IKBKB-DT: variants seen among roughly 807,000 people sequenced by gnomAD.
IKBKB-DT encodes the protein IKBKB divergent transcript.
At chr8:42,242,795 G>A (rs908801300) in intron 3 of IKBKB-DT, among the ~76,000 whole-genome samples, 1 of 152,172 alleles carries the variant, frequency 6.6e-6, no homozygotes, top group African/African-American at 2.4e-5. Context: ...TGCTCTACAG[G>A]GAGCTGAGGG....
intron 3 of IKBKB-DT, among the ~76,000 whole-genome samples, chr8:42,257,813 A>G (rs1167653169): frequency 6.6e-6 from 1 of 152,122 alleles, no homozygotes; most frequent in Non-Finnish European, 1.5e-5. Flanking sequence ...TAAAAGTCAA[A>G]AGACTAAATT....
chr8:42,237,691 T>C (rs2129900340), intron 3 of IKBKB-DT, among the ~76,000 whole-genome samples: 1 of 152,052 alleles, frequency 6.6e-6, no homozygotes, highest in South Asian at 2.1e-4. Context: ...ATGAGGGGGA[T>C]CTGCTCCTCT....
In IKBKB-DT at chr8:42,253,737, G is replaced by T. The variant is rs1402366768; in HGVS notation, n.1529+9592C>A. ...CATTTGTATACTTTCTGCAGAAAGG[G>T]TACACTCGCCAGCAGTTTTGCCATG... On this transcript the variant is annotated intron_variant and non_coding_transcript_variant, in intron 3 of 3. Transcript: ENST00000518213. Among the ~76,000 whole-genome samples the T allele has an allele frequency of 3.3e-5, 5 of 152,160 alleles. No homozygotes were observed. In the East Asian group the frequency reaches 7.7e-4, roughly 23 times the overall value.
At chr8:42,262,448 T>TTATTTATTTATG (rs1445021663) in intron 3 of IKBKB-DT, among the ~76,000 whole-genome samples, 6 of 151,712 alleles carry the variant, frequency 4.0e-5, no homozygotes, top group African/African-American at 1.5e-4. Flanking sequence ...ATTTATTTAT[T>TTATTTATTTATG]TATTTATTTA....
intron 3 of IKBKB-DT, among the ~76,000 whole-genome samples, chr8:42,244,303 T>G (rs1251368936): frequency 6.6e-6 from 1 of 152,148 alleles, no homozygotes; most frequent in Non-Finnish European, 1.5e-5. Flanking sequence ...GTTATCCTAT[T>G]TGGGAGAAGA....
intron 3 of IKBKB-DT, among the ~76,000 whole-genome samples, chr8:42,257,392 C>T (rs1468558021): frequency 6.6e-6 from 1 of 151,938 alleles, no homozygotes; most frequent in Non-Finnish European, 1.5e-5. Context: ...GTCCCAGCTA[C>T]TTGGGAGGCT....
rs577261605 is a variant in IKBKB-DT, at chr8:42,255,792, G to A, written n.1529+7537C>T. On this transcript the variant is annotated intron_variant and non_coding_transcript_variant, in intron 3 of 3. Transcript: ENST00000518213. ...TGTAATCCCAGCACTTTGGGAGGCCGAGGCGGGTGGATCACGAGGTCAGGA... is the reference window on the plus strand; with the variant it reads ...TGTAATCCCAGCACTTTGGGAGGCCAAGGCGGGTGGATCACGAGGTCAGGA... 2.0e-4 allele frequency among the ~76,000 whole-genome samples: 30 copies of A among 152,158 alleles called. No homozygotes were observed. In the East Asian group the frequency reaches 2.9e-3, roughly 15 times the overall value.
At chr8:42,262,441 T>TATTTATTG (rs1807302874) in intron 3 of IKBKB-DT, among the ~76,000 whole-genome samples, 1 of 151,512 alleles carries the variant, frequency 6.6e-6, no homozygotes, top group African/African-American at 2.4e-5. Context: ...TTTATTTATT[T>TATTTATTG]ATTTATTTAT....
Position 42,256,407 on chromosome 8 carries a change from C to CAA in IKBKB-DT, n.1529+6920_1529+6921dup, listed in dbSNP as rs111851763. Among the ~76,000 whole-genome samples the CAA allele has an allele frequency of 2.2e-3, 243 of 110,924 alleles. 1 individual carries two copies. Among genetic ancestry groups the CAA allele is most frequent in the Middle Eastern group, 0.01 (2 of 200 alleles). 72.8% of individuals were successfully genotyped at this position (110,924 alleles called of 152,430 possible). A position where few individuals can be genotyped will look rare whatever the true frequency, so the allele number is the denominator to read the frequency against. On this transcript the variant is annotated intron_variant and non_coding_transcript_variant, in intron 3 of 3. Transcript: ENST00000518213. ...TGAAACCCCGTTTCTACCAAAAATA[C>CAA]AAAAAAAAAAAAAAAATAGCTGTGG...
chr8:42,266,993 GT>G (rs917419273), intron 1 of IKBKB-DT, among the ~76,000 whole-genome samples: 23 of 135,540 alleles, frequency 1.7e-4, no homozygotes, highest in Non-Finnish European at 2.8e-4. Context: ...TTTTTTGTTT[GT>G]TTTTTTTTTG....
chr8:42,262,571 C>T (rs1184631406), intron 3 of IKBKB-DT, among the ~76,000 whole-genome samples: 2 of 151,948 alleles, frequency 1.3e-5, no homozygotes, highest in African/African-American at 4.8e-5. Context: ...TCCTGAGTAG[C>T]TGGGACTACA....
At chr8:42,258,591 C>T (rs549016817) in intron 3 of IKBKB-DT, among the ~76,000 whole-genome samples, 41 of 152,180 alleles carry the variant, frequency 2.7e-4, no homozygotes, top group Non-Finnish European at 5.6e-4. Flanking sequence ...GCCTCAGCCT[C>T]CCGAGTAGCT....
chr8:42,238,861 G>A (rs1806958263), intron 3 of IKBKB-DT, among the ~76,000 whole-genome samples: 1 of 152,060 alleles, frequency 6.6e-6, no homozygotes, highest in Non-Finnish European at 1.5e-5. Context: ...CCTAGCCCCT[G>A]CTTGCTAAAT....
intron 3 of IKBKB-DT, among the ~76,000 whole-genome samples, chr8:42,241,349 C>T (rs1437607866): frequency 7.1e-6 from 1 of 141,272 alleles, no homozygotes; most frequent in East Asian, 2.2e-4. Flanking sequence ...TGGTTGGCTA[C>T]TTGATGTTAA....
At chr8:42,240,581 T>G (rs1806988127) in intron 3 of IKBKB-DT, among the ~76,000 whole-genome samples, 1 of 133,754 alleles carries the variant, frequency 7.5e-6, no homozygotes, top group African/African-American at 3.0e-5. Context: ...GCCAAGATCA[T>G]TCCACTGCAC....
chr8:42,250,045 A>G (rs895426495), intron 3 of IKBKB-DT, among the ~76,000 whole-genome samples: 8 of 152,180 alleles, frequency 5.3e-5, no homozygotes, highest in African/African-American at 1.9e-4. Context: ...ATTCACATAG[A>G]GCTGGCCGAA....
At chr8:42,255,464 G>C (rs1469510556) in intron 3 of IKBKB-DT, 2 of 151,988 alleles carry the variant, frequency 1.3e-5, no homozygotes, top group Non-Finnish European at 2.9e-5. Flanking sequence ...TTCTTTTCTT[G>C]ATGTCCCCAA....
chr8:42,243,858 C>T (rs1563275061), intron 3 of IKBKB-DT, among the ~76,000 whole-genome samples: 2 of 152,148 alleles, frequency 1.3e-5, no homozygotes, highest in African/African-American at 4.8e-5. Flanking sequence ...TGAGGTTTTG[C>T]AATTGCACAT....
chr8:42,233,948 T>C (rs999412415), intron 3 of IKBKB-DT: 2 of 152,136 alleles, frequency 1.3e-5, no homozygotes, highest in African/African-American at 4.8e-5. Context: ...CAAGCACTGA[T>C]CTTAGGAGCC....
Sources: gnomAD v4.1 joint callset for allele counts (sites outside exome capture counted in the v4.1 genomes callset) on GRCh38, gnomAD v4.1.1 for gene constraint, MANE v1.5 for transcripts, NCBI Gene and HGNC (gene_info 2026-07-23, HGNC 2026-07-21) for gene names.